The following CDH7 variants were observed in gnomAD, a reference collection of about 807,000 sequenced individuals.
CDH7 encodes cadherin 7, also known as cadherin-7.
A neutral mutation model predicts 71.8 loss-of-function variants in CDH7; 25 were observed. The ratio of observed to expected loss-of-function variants is 0.35; its 90% CI spans 0.25 to 0.49. The LOEUF (loss-of-function observed/expected upper bound fraction) is 0.49. CDH7 is among the 20% of genes least tolerant of loss of function. CDH7 has a pLI of 0.99. For missense variants in CDH7, 862 were observed against 974.6 expected, an observed-to-expected ratio of 0.88 and a Z score of 1.54; for synonymous variants, 381 against 363.8, an observed-to-expected ratio of 1.05 and a Z score of -0.54.
upstream of CDH7, chr18:65,750,769 G>C (rs1306208471): frequency 6.5e-6 from 1 of 152,724 alleles, no homozygotes; most frequent in Non-Finnish European, 1.5e-5. Context: ...CCCGGCTCCG[G>C]CGCGCTCTCT....
intron 2 of CDH7, among the ~76,000 whole-genome samples, chr18:65,765,464 CTT>C (rs74171791): frequency 2.1e-4 from 31 of 144,206 alleles, no homozygotes; most frequent in South Asian, 4.4e-4. Flanking sequence ...TTCCTTTTTT[CTT>C]TTTTTTTTTT....
chr18:65,828,410 T>G (rs1912211443), intron 6 of CDH7, among the ~76,000 whole-genome samples: 1 of 152,132 alleles, frequency 6.6e-6, no homozygotes, highest in African/African-American at 2.4e-5. Context: ...ATGGATTTTT[T>G]TCTATAAATA....
chr18:65,856,025 C>A (rs1049566185), intron 7 of CDH7, among the ~76,000 whole-genome samples: 1 of 151,980 alleles, frequency 6.6e-6, no homozygotes, highest in Non-Finnish European at 1.5e-5. Context: ...GAAGCTGGCT[C>A]TCCCGCCGTA....
intron 2 of CDH7, among the ~76,000 whole-genome samples, chr18:65,779,106 T>G (rs1910079621): frequency 6.6e-6 from 1 of 151,456 alleles, no homozygotes; most frequent in African/African-American, 2.4e-5. Flanking sequence ...AAAAAATGAG[T>G]TTATTTTTTA....
At chr18:65,830,667 C>CCT (rs368575911) in intron 6 of CDH7, among the ~76,000 whole-genome samples, 2 of 135,010 alleles carry the variant, frequency 1.5e-5, no homozygotes, top group African/African-American at 2.8e-5. Context: ...CTCTCTCTCT[C>CCT]TTCCTTTCCT....
intron 6 of CDH7, among the ~76,000 whole-genome samples, chr18:65,843,473 T>G (rs2143989724): frequency 6.6e-6 from 1 of 152,258 alleles, no homozygotes; most frequent in South Asian, 2.1e-4. Flanking sequence ...ACAGTTAAGT[T>G]ACATGGTTGA....
chr18:65,849,476 G>A (rs776671168), intron 7 of CDH7, among the ~76,000 whole-genome samples: 1 of 145,946 alleles, frequency 6.9e-6, no homozygotes, highest in Non-Finnish European at 1.5e-5. Flanking sequence ...GCAGTGGTGT[G>A]ATCTCGGTTC....
intron 11 of CDH7, among the ~76,000 whole-genome samples, chr18:65,870,418 C>G (rs1288008801): frequency 6.6e-6 from 1 of 152,126 alleles, no homozygotes; most frequent in East Asian, 1.9e-4. Context: ...AGTGGTGGTA[C>G]TCCTGCATTT....
intron 2 of CDH7, among the ~76,000 whole-genome samples, chr18:65,767,089 C>CTTTTTTTTTTTTTTT (rs35258266): frequency 7.1e-6 from 1 of 139,960 alleles, no homozygotes; most frequent in Non-Finnish European, 1.5e-5. Flanking sequence ...ATCACTCTTT[C>CTTTTTTTTTTTTTTT]TTTCTTTTTT....
rs1568235230 is a variant in CDH7, at chr18:65,880,411, C to T, written c.1875C>T (p.Leu625=). 1.3e-6 allele frequency: 2 copies of T among 1,543,300 alleles called. No homozygotes were observed. Among genetic ancestry groups the T allele is most frequent in the African/African-American group, 1.4e-5 (1 of 72,116 alleles). ...ACVLTLLVLI[L]LIVTMRRRKK... is the part of the protein sequence containing the mutation. Reference sequence around the variant, plus strand: ...GTCTTATTGTTTCAGTGTTGATCCTCCTTATCGTCACTATGAGAAGACGGA... The same window carrying T: ...GTCTTATTGTTTCAGTGTTGATCCTTCTTATCGTCACTATGAGAAGACGGA... The change falls in exon 12 of 12, where the codon CTC becomes CTT. Residue 625 remains leucine (L), a synonymous_variant. Transcript: ENST00000397968.
chr18:65,887,164 C>G lies in CDH7; in HGVS notation c.*6270C>G, dbSNP rs566771544. 1 of 152,232 alleles carries G rather than the reference C, an allele frequency of 6.6e-6. No individual in the cohort carries two copies. Among genetic ancestry groups the G allele is most frequent in the South Asian group, 2.1e-4 (1 of 4,820 alleles). The allele number at this position is 152,232 out of a possible 1,614,324, so 9.4% of individuals were successfully genotyped here. On this transcript the variant is annotated 3_prime_UTR_variant, in exon 12 of 12. Transcript: ENST00000397968. Reference sequence around the variant, plus strand: ...TATATGATTCACTACCCTACAGCTTCATGTTCTAATTTTGTGAGTATAAAC... The same window carrying G: ...TATATGATTCACTACCCTACAGCTTGATGTTCTAATTTTGTGAGTATAAAC...
chr18:65,759,623 A>C (rs906635812), intron 1 of CDH7, among the ~76,000 whole-genome samples: 2 of 152,194 alleles, frequency 1.3e-5, no homozygotes, highest in African/African-American at 4.8e-5. Flanking sequence ...TCAATTTTAT[A>C]TAATTGTCAA....
At chr18:65,826,511 T>C (rs540931377) in intron 6 of CDH7, among the ~76,000 whole-genome samples, 4 of 150,660 alleles carry the variant, frequency 2.7e-5, no homozygotes, top group Non-Finnish European at 5.9e-5. Context: ...ATATGGAAAA[T>C]TTTTATTCAA....
At chr18:65,814,717 C>A in intron 4 of CDH7, 113 bp downstream of exon 4, 1 of 817,414 alleles carries the variant, frequency 1.2e-6, no homozygotes, top group South Asian at 2.2e-5. Context: ...TTATGCTTCT[C>A]TCAATATGTC....
At chr18:65,806,601 TAG>T (rs149856494) in intron 2 of CDH7, among the ~76,000 whole-genome samples, 3,489 of 152,236 alleles carry the variant, frequency 0.023, 57 homozygotes, top group African/African-American at 0.034. Flanking sequence ...GTTTTCACAG[TAG>T]AGAGTAACAT....
chr18:65,850,318 C>T (rs944181045), intron 7 of CDH7, among the ~76,000 whole-genome samples: 4 of 151,094 alleles, frequency 2.6e-5, no homozygotes, highest in African/African-American at 9.7e-5. Context: ...ATGTACTATC[C>T]TCTTAACATT....
At chr18:65,766,886 A>G (rs1221011876) in intron 2 of CDH7, among the ~76,000 whole-genome samples, 4 of 13,778 alleles carry the variant, frequency 2.9e-4, no homozygotes, top group Non-Finnish European at 4.7e-4. Context: ...TGTCTGACGT[A>G]AAAAAAAAAA....
At chr18:65,869,545 A>ATTTTTTTTTTTTT (rs10696115) in intron 11 of CDH7, among the ~76,000 whole-genome samples, 20 of 91,378 alleles carry the variant, frequency 2.2e-4, no homozygotes, top group East Asian at 4.0e-4. Flanking sequence ...AAGTGGGTCA[A>ATTTTTTTTTTTTT]TTTTTTTTTT....
In CDH7 at chr18:65,885,296, T is replaced by C. The variant is rs1914339196; in HGVS notation, c.*4402T>C. ...AGCAAATCAAGACAGGCAGTGTGCG[T>C]TGCATTCTGACACTTTTTCATTGTT... is the stretch of plus-strand genomic sequence containing the variant. On this transcript the variant is annotated 3_prime_UTR_variant, in exon 12 of 12. Coordinates refer to ENST00000397968, the MANE Select transcript of CDH7 (RefSeq NM_004361.5). 6.6e-6 allele frequency: 1 copy of C among 151,872 alleles called. No homozygotes were observed. Among genetic ancestry groups the C allele is most frequent in the Non-Finnish European group, 1.5e-5 (1 of 67,944 alleles). 9.4% of individuals were successfully genotyped at this position (151,872 alleles called of 1,614,324 possible). A position where few individuals can be genotyped will look rare whatever the true frequency, so the allele number is the denominator to read the frequency against.
Sources: allele counts gnomAD v4.1 joint callset (sites outside exome capture counted in the v4.1 genomes callset), GRCh38; gene constraint gnomAD v4.1.1; transcripts MANE v1.5; gene names NCBI Gene and HGNC (gene_info 2026-07-23, HGNC 2026-07-21).